The following CELSR2 variants were observed in gnomAD, a reference collection of about 807,000 sequenced individuals.
CELSR2 encodes the protein cadherin EGF LAG seven-pass G-type receptor 2.
In CELSR2, 81 loss-of-function variants were observed where a neutral mutation model predicts 251.6. The observed-to-expected ratio is 0.32, with a 90% CI of 0.27 to 0.39. CELSR2 has a LOEUF of 0.39. CELSR2 is among the 10% of genes least tolerant of loss of function. The probability of loss-of-function intolerance (pLI) is 1.00; values close to 1 mark genes in which losing one functional copy is unlikely to be tolerated. For missense variants in CELSR2, 3,365 were observed against 3,947.7 expected (o/e 0.85, Z 3.96); for synonymous variants, 1,721 against 1,670.5 (o/e 1.03, Z -0.74).
rs1177463748 is a variant in CELSR2, at chr1:109,267,999, C to T, written c.6257C>T (p.Ala2086Val). ...TACCAGCTGGCCACGCGGCTGCTGG[C>T]CCACGAGAGCACCCAGCGGGGCTTT... ...VAYQLATRLL[A>V]HESTQRGFGL... The change falls in exon 17 of 34, where the codon GCC (alanine) becomes GTC (valine). Residue 2086 changes from alanine (A) to valine (V), a missense_variant. Ala to Val is a moderately conservative substitution (Grantham distance 64). This residue lies in a region of CELSR2 where 2,093 missense variants were observed against 2,382.8 expected (regional missense o/e 0.88). Coordinates refer to ENST00000271332, the MANE Select transcript of CELSR2 (RefSeq NM_001408.3). The T allele has an allele frequency of 1.2e-6, 2 of 1,609,996 alleles. No individual in the cohort carries two copies. The highest frequency in any genetic ancestry group is 1.9e-4 in the Middle Eastern group (1 of 5,196).
chr1:109,251,524 C>G lies in CELSR2; in HGVS notation c.1445C>G (p.Pro482Arg). 1 of 1,613,638 alleles carries G rather than the reference C, an allele frequency of 6.2e-7. No homozygotes were observed. Among genetic ancestry groups the G allele is most frequent in the Non-Finnish European group, 8.5e-7 (1 of 1,179,998 alleles). The change falls in exon 1 of 34, where the codon CCC becomes CGC. Residue 482 changes from proline to arginine, a missense_variant. Coordinates refer to ENST00000271332, the MANE Select transcript of CELSR2 (RefSeq NM_001408.3). This position sits in a 1 kb window ranked among gnomAD's most constrained non-coding sequence, Gnocchi z 4.9. The part of the protein sequence containing the change: ...LRVRAQDGGR[P>R]PLSNVSGLVT... The stretch of plus-strand genomic sequence containing the variant: ...GTGCGAGCACAGGATGGTGGCCGTC[C>G]CCCACTCTCTAATGTCTCTGGCTTG...
In CELSR2 at chr1:109,252,954, C is replaced by A; in HGVS notation, c.2875C>A (p.Gln959Lys). The A allele has an allele frequency of 6.2e-7, 1 of 1,612,534 alleles. No homozygotes were observed. The highest frequency in any genetic ancestry group is 8.5e-7 in the Non-Finnish European group (1 of 1,179,154). The part of the protein sequence containing the change: ...DEGTNAQIMY[Q>K]IVEGNIPEVF... Reference sequence around the variant, plus strand: ...AGGCACCAATGCCCAGATTATGTACCAGATTGTGGAGGGCAACATCCCTGA... The same window carrying A: ...AGGCACCAATGCCCAGATTATGTACAAGATTGTGGAGGGCAACATCCCTGA... The change falls in exon 1 of 34, where the codon CAG (glutamine) becomes AAG (lysine). Residue 959 changes from glutamine (Q) to lysine (K), a missense_variant. By Grantham distance (53) the Gln-to-Lys change is moderately conservative. This residue lies in a region of CELSR2 where 505 missense variants were observed against 660.0 expected (regional missense o/e 0.77). Transcript: ENST00000271332. The surrounding 1 kb of genome is among the most constrained non-coding windows in gnomAD (Gnocchi z 4.8).
rs936321486 is a variant in CELSR2, at chr1:109,271,109, C to A, written c.7596+70C>A. 8 of 1,514,280 alleles carry A rather than the reference C, an allele frequency of 5.3e-6. No homozygotes were observed. In the African/African-American group the frequency reaches 6.9e-5, roughly 13 times the overall value. The allele number at this position is 1,514,280 out of a possible 1,614,324, so 93.8% of individuals were successfully genotyped here. On this transcript the variant is annotated intron_variant, in intron 25 of 33. Transcript: ENST00000271332. Reference sequence around the variant, plus strand: ...TGCTGTCCTCCTGCTGCTGGGGCCGCGTGTCCTCAGGACTCCCTTTAGGAA... The same window carrying A: ...TGCTGTCCTCCTGCTGCTGGGGCCGAGTGTCCTCAGGACTCCCTTTAGGAA...
At chr1:109,270,393 C>G in intron 23 of CELSR2, 33 bp from the exon 24 acceptor site, 1 of 1,610,724 alleles carries the variant, frequency 6.2e-7, no homozygotes, top group Non-Finnish European at 8.5e-7. Context: ...GGGCGGGCCC[C>G]GGTCGCTGAC....
chr1:109,268,463 G>A, intron 17 of CELSR2, 118 bp from the exon 18 acceptor site: 1 of 1,332,744 alleles, frequency 7.5e-7, no homozygotes, highest in Non-Finnish European at 1.0e-6. Flanking sequence ...GCAACAGTGA[G>A]CACAGAGGGA....
At chr1:109,257,922 A>T (rs116345167) in intron 1 of CELSR2, among the ~76,000 whole-genome samples, 4,341 of 152,080 alleles carry the variant, frequency 0.029, 205 homozygotes, top group African/African-American at 0.099. Flanking sequence ...GCTCAGTGGG[A>T]GGGGGACTAG....
chr1:109,271,667 G>A lies in CELSR2; in HGVS notation c.7871G>A (p.Cys2624Tyr). 1 of 1,614,048 alleles carries A rather than the reference G, an allele frequency of 6.2e-7. No individual in the cohort carries two copies. Among genetic ancestry groups the A allele is most frequent in the Non-Finnish European group, 8.5e-7 (1 of 1,180,048 alleles). ...GTCCGGAAAGCACTCAAGCTTGCCTGCAGCCGCAAGCCCAGCCCTGACCCT... is the reference window on the plus strand; with the variant it reads ...GTCCGGAAAGCACTCAAGCTTGCCTACAGCCGCAAGCCCAGCCCTGACCCT... ...KEVRKALKLA[C>Y]SRKPSPDPAL... Residue 2624 changes from cysteine to tyrosine, a missense_variant, in exon 28 of 34, where the codon TGC becomes TAC. By Grantham distance (194) the Cys-to-Tyr change is radical. Around this residue, in one of 5 missense-constraint regions of CELSR2, gnomAD observed 2,093 missense variants for 2,382.8 expected, o/e 0.88. Coordinates refer to ENST00000271332, the MANE Select transcript of CELSR2 (RefSeq NM_001408.3).
intron 33 of CELSR2, 106 bp from the exon 34 acceptor site, chr1:109,273,916 G>A: frequency 1.4e-6 from 2 of 1,443,586 alleles, no homozygotes; most frequent in Non-Finnish European, 2.0e-6. Context: ...GGGGAGCTGG[G>A]GGTGCTTTCC....
chr1:109,249,558 C>G lies in CELSR2; in HGVS notation c.-522C>G, dbSNP rs1490483990. 2.7e-5 allele frequency among the ~76,000 whole-genome samples: 4 copies of G among 150,304 alleles called. No homozygotes were observed. The highest frequency in any genetic ancestry group is 5.9e-5 in the Non-Finnish European group (4 of 67,464). On this transcript the variant is annotated 5_prime_UTR_variant, in exon 1 of 34. Transcript: ENST00000271332. ...GACTCTGCAGAGCTCGCCCGCCCGCCGGGGAGGCGAGGGAGCGCGGGGCTG... is the reference window on the plus strand; with the variant it reads ...GACTCTGCAGAGCTCGCCCGCCCGCGGGGGAGGCGAGGGAGCGCGGGGCTG...
chr1:109,268,814 CAA>C (rs1656280759), intron 18 of CELSR2, 50 bp downstream of exon 18: 2 of 1,582,724 alleles, frequency 1.3e-6, no homozygotes, highest in Non-Finnish European at 1.7e-6. Context: ...GAGTCCCCGA[CAA>C]GAGCGGCTGT....
Position 109,251,782 on chromosome 1 carries a change from T to C in CELSR2, c.1703T>C (p.Leu568Pro), listed in dbSNP as rs2101231676. Reference protein sequence around the residue: ...GTGWISVAAELDREEVDFYSF... With the variant: ...GTGWISVAAEPDREEVDFYSF... ...GGCTGGATCTCTGTGGCTGCTGAAC[T>C]GGACCGGGAGGAAGTTGATTTCTAC... The change falls in exon 1 of 34, where the codon CTG becomes CCG. Residue 568 changes from leucine (L) to proline (P), a missense_variant. By Grantham distance (98) the Leu-to-Pro change is moderately conservative. Around this residue, in one of 5 missense-constraint regions of CELSR2, gnomAD observed 704 missense variants for 784.1 expected, o/e 0.90. Transcript: ENST00000271332. This position sits in a 1 kb window ranked among gnomAD's most constrained non-coding sequence, Gnocchi z 4.9. The C allele has an allele frequency of 6.2e-7, 1 of 1,614,002 alleles. No homozygotes were observed. Among genetic ancestry groups the C allele is most frequent in the East Asian group, 2.2e-5 (1 of 44,896 alleles).
At chr1:109,266,403 T>C (rs1656187979) in intron 15 of CELSR2, 197 bp downstream of exon 15, 1 of 635,642 alleles carries the variant, frequency 1.6e-6, no homozygotes, top group Non-Finnish European at 2.6e-6. Context: ...TTGGACTGTT[T>C]TGTTTTGTTT....
intron 15 of CELSR2, chr1:109,266,529 T>A: frequency 2.2e-5 from 4 of 183,230 alleles, no homozygotes; most frequent in Non-Finnish European, 4.5e-5. Context: ...TTTTCCTGCC[T>A]AAGCCTCTGG....
intron 28 of CELSR2, 128 bp from the exon 29 acceptor site, chr1:109,272,150 G>T (rs1227747434): frequency 2.9e-5 from 36 of 1,233,078 alleles, no homozygotes; most frequent in Non-Finnish European, 3.7e-5. Context: ...GGAGAAGCAG[G>T]GCCCTCTCTT....
intron 29 of CELSR2, 91 bp from the exon 30 acceptor site, chr1:109,272,549 C>G (rs1656401733): frequency 1.3e-6 from 2 of 1,488,574 alleles, no homozygotes; most frequent in African/African-American, 2.8e-5. Context: ...AAGGGACCCA[C>G]AGCAGGAACC....
intron 2 of CELSR2, among the ~76,000 whole-genome samples, chr1:109,260,566 G>A (rs1439633554): frequency 6.6e-6 from 1 of 152,194 alleles, no homozygotes; most frequent in African/African-American, 2.4e-5. Flanking sequence ...AGGGACAAAA[G>A]CACCAGTGGG....
chr1:109,271,081 C>T (rs375225071), intron 25 of CELSR2, 42 bp downstream of exon 25: 10 of 1,560,450 alleles, frequency 6.4e-6, no homozygotes, highest in Admixed American at 1.7e-5. Flanking sequence ...TGTGGCCCTC[C>T]TTTGCTGTCC....
rs200832831 is a variant in CELSR2 at position 109,262,879 on chromosome 1, C to T, written c.4618C>T (p.Arg1540Trp). The change falls in exon 7 of 34, where the codon CGG (arginine) becomes TGG (tryptophan). Residue 1540 changes from arginine to tryptophan, a missense_variant. Physicochemically the swap from Arg to Trp is moderately radical, Grantham distance 101. Around this residue, in one of 5 missense-constraint regions of CELSR2, gnomAD observed 2,093 missense variants for 2,382.8 expected, o/e 0.88. Coordinates refer to ENST00000271332, the MANE Select transcript of CELSR2 (RefSeq NM_001408.3). Reference protein sequence around the residue: ...DLPESFPVRMRQFVGCMRNLQ... With the variant: ...DLPESFPVRMWQFVGCMRNLQ... ...GCCCGAGAGCTTCCCAGTCCGAATG[C>T]GGCAGTTCGTGGGCTGCATGCGGAA... The T allele has an allele frequency of 1.9e-6, 3 of 1,613,810 alleles. No homozygotes were observed. Among genetic ancestry groups the T allele is most frequent in the Admixed American group, 1.7e-5 (1 of 60,024 alleles).
chr1:109,259,175 C>G (rs1655948315), intron 2 of CELSR2, 96 bp downstream of exon 2: 1 of 1,099,940 alleles, frequency 9.1e-7, no homozygotes, highest in East Asian at 2.5e-5. Flanking sequence ...GCCTCATTCT[C>G]TTCCCGAGTG....
Sources: allele counts gnomAD v4.1 joint callset (sites outside exome capture counted in the v4.1 genomes callset), GRCh38; gene constraint gnomAD v4.1.1; regional missense constraint gnomAD v4.1.1; non-coding constraint Gnocchi (gnomAD v3.1); transcripts MANE v1.5; gene names NCBI Gene and HGNC (gene_info 2026-07-23, HGNC 2026-07-21).